Variants in FLRT1 observed in about 807,000 individuals in gnomAD.
The protein encoded by FLRT1 is leucine-rich repeat transmembrane protein FLRT1.
In FLRT1, 14 loss-of-function variants were observed where a neutral mutation model predicts 30.9. That is an observed-to-expected ratio of 0.45 (90% confidence interval 0.30 to 0.71). The LOEUF is 0.71. FLRT1 is among the 30% of genes least tolerant of loss of function. FLRT1 has a pLI of 0.08. For missense variants in FLRT1, 737 were observed against 949.2 expected, an observed-to-expected ratio of 0.78 and a Z score of 2.94; for synonymous variants, 368 against 430.4, an observed-to-expected ratio of 0.85 and a Z score of 1.80.
chr11:64,051,484 C>T (rs2134413273), intron 1 of FLRT1, among the ~76,000 whole-genome samples: 1 of 152,326 alleles, frequency 6.6e-6, no homozygotes, highest in Non-Finnish European at 1.5e-5. Context: ...GGGGCGGGGG[C>T]ACCCTCTCGG....
In FLRT1 at chr11:64,100,784, C is replaced by T. The variant is rs531586860; in HGVS notation, c.-1037-2410C>T. The stretch of plus-strand genomic sequence containing the variant: ...CAGAAGCCTGAGAGGCCCCACTTAT[C>T]CAGGGCACAGACGCTGAGGAGCCCA... On this transcript the variant is annotated intron_variant, in intron 1 of 2. Coordinates refer to ENST00000682287, the MANE Select transcript of FLRT1 (RefSeq NM_013280.5). Among the ~76,000 whole-genome samples the T allele has an allele frequency of 8.5e-5, 13 of 152,288 alleles. No homozygotes were observed. In the South Asian group the frequency reaches 2.5e-3, roughly 29 times the overall value.
chr11:64,063,355 C>A (rs1227957863), intron 1 of FLRT1, among the ~76,000 whole-genome samples: 1 of 152,148 alleles, frequency 6.6e-6, no homozygotes, highest in African/African-American at 2.4e-5. Context: ...AGGTGCCACA[C>A]ACGTGTCAAC....
intron 1 of FLRT1, among the ~76,000 whole-genome samples, chr11:64,098,274 G>A (rs1479622384): frequency 1.3e-5 from 2 of 152,136 alleles, no homozygotes; most frequent in Admixed American, 6.5e-5. Context: ...GCCAGGCTCC[G>A]GGCCCTGCTT....
chr11:64,095,939 T>C (rs1047473435), intron 1 of FLRT1, among the ~76,000 whole-genome samples: 15 of 151,246 alleles, frequency 9.9e-5, no homozygotes, highest in African/African-American at 3.6e-4. Flanking sequence ...TGACAGCTCC[T>C]CGCTTTCTCC....
chr11:64,080,594 C>T (rs907865391), intron 1 of FLRT1, among the ~76,000 whole-genome samples: 3 of 152,146 alleles, frequency 2.0e-5, no homozygotes, highest in Non-Finnish European at 4.4e-5. Context: ...GTGCTCAACA[C>T]GTAGGCGTTC....
At chr11:64,111,110 C>G (rs752612044) in intron 2 of FLRT1, among the ~76,000 whole-genome samples, 1 of 152,256 alleles carries the variant, frequency 6.6e-6, no homozygotes, top group Non-Finnish European at 1.5e-5. Context: ...ATGCTGAGGC[C>G]TCTGAAGGCT....
At chr11:64,062,103 C>T (rs1943916954) in intron 1 of FLRT1, among the ~76,000 whole-genome samples, 1 of 151,968 alleles carries the variant, frequency 6.6e-6, no homozygotes, top group Non-Finnish European at 1.5e-5. Flanking sequence ...GTCTGCTTAG[C>T]TGTGCTGAAA....
intron 1 of FLRT1, among the ~76,000 whole-genome samples, chr11:64,041,604 G>A (rs1304396465): frequency 1.3e-5 from 2 of 152,134 alleles, no homozygotes; most frequent in East Asian, 3.9e-4. Flanking sequence ...AATGGAAAAA[G>A]GGGTGCAGCC....
intron 1 of FLRT1, among the ~76,000 whole-genome samples, chr11:64,076,471 C>T (rs1410255679): frequency 1.3e-5 from 2 of 151,982 alleles, no homozygotes; most frequent in African/African-American, 2.4e-5. Context: ...GACGGACGGA[C>T]GAATGGATGG....
chr11:64,078,147 C>T (rs1489793859), intron 1 of FLRT1, among the ~76,000 whole-genome samples: 1 of 152,228 alleles, frequency 6.6e-6, no homozygotes. Flanking sequence ...TTCCTCTCAA[C>T]CTCAACCCTC....
chr11:64,077,486 C>CTGAT (rs913183639), intron 1 of FLRT1, among the ~76,000 whole-genome samples: 2 of 152,142 alleles, frequency 1.3e-5, no homozygotes, highest in Admixed American at 1.3e-4. Context: ...GACCCAGGTA[C>CTGAT]TGATGGGCAT....
intron 1 of FLRT1, among the ~76,000 whole-genome samples, chr11:64,092,650 C>G (rs966877517): frequency 6.6e-6 from 1 of 152,232 alleles, no homozygotes; most frequent in African/African-American, 2.4e-5. Flanking sequence ...CACTGTGTGC[C>G]AGCCACCAGC....
At position 64,118,940 on chromosome 11, in the gene FLRT1, C is replaced by A. The variant is rs969716623; in HGVS notation, c.*648C>A. On this transcript the variant is annotated 3_prime_UTR_variant, in exon 3 of 3. Transcript: ENST00000682287. ...CATGTAGTCGATTAAAAAAAAAAAA[C>A]AAACTTTTTTTTCCTAGGCTGAAGC... 8.0e-4 allele frequency: 132 copies of A among 165,524 alleles called. No homozygotes were observed. Among genetic ancestry groups the A allele is most frequent in the Non-Finnish European group, 1.2e-3 (84 of 67,690 alleles). 10.3% of individuals were successfully genotyped at this position (165,524 alleles called of 1,614,324 possible). A position where few individuals can be genotyped will look rare whatever the true frequency, so the allele number is the denominator to read the frequency against.
intron 1 of FLRT1, among the ~76,000 whole-genome samples, chr11:64,080,926 T>G (rs925447044): frequency 2.0e-5 from 3 of 152,206 alleles, no homozygotes; most frequent in Admixed American, 6.5e-5. Flanking sequence ...GAATCCCCAC[T>G]GCTCCTGAAG....
At chr11:64,050,074 C>T (rs988141871) in intron 1 of FLRT1, among the ~76,000 whole-genome samples, 3 of 152,170 alleles carry the variant, frequency 2.0e-5, no homozygotes, top group Non-Finnish European at 2.9e-5. Context: ...ACTCTTCCCT[C>T]GAGATCTCTC....
chr11:64,036,010 G>T lies in FLRT1; in HGVS notation c.-1187G>T, dbSNP rs898497084. On this transcript the variant is annotated 5_prime_UTR_variant, in exon 1 of 3. Coordinates refer to ENST00000682287, the MANE Select transcript of FLRT1 (RefSeq NM_013280.5). The surrounding 1 kb of genome is among the most constrained non-coding windows in gnomAD (Gnocchi z 5.6). ...CGCCCCCCGCTCCGGGCCCGCCACC[G>T]TGCTCTGCCGCGCGCCGGGGGCTCC... is the stretch of plus-strand genomic sequence containing the variant. 2 of 150,904 alleles carry T rather than the reference G, an allele frequency of 1.3e-5. No homozygotes were observed. Among genetic ancestry groups the T allele is most frequent in the Middle Eastern group, 6.8e-3 (2 of 292 alleles). 9.3% of individuals were successfully genotyped at this position (150,904 alleles called of 1,614,324 possible). A position where few individuals can be genotyped will look rare whatever the true frequency, so the allele number is the denominator to read the frequency against.
intron 1 of FLRT1, among the ~76,000 whole-genome samples, chr11:64,046,762 G>A (rs962755584): frequency 1.3e-5 from 2 of 152,156 alleles, no homozygotes; most frequent in African/African-American, 2.4e-5. Context: ...ACGTCCCAAA[G>A]TGCTGGGATT....
At position 64,036,049 on chromosome 11, in the gene FLRT1, C is replaced by G. The variant is rs1229549118; in HGVS notation, c.-1148C>G. 1 of 151,448 alleles carries G rather than the reference C, an allele frequency of 6.6e-6. No homozygotes were observed. The highest frequency in any genetic ancestry group is 1.5e-5 in the Non-Finnish European group (1 of 67,840). The allele number at this position is 151,448 out of a possible 1,614,324, so 9.4% of individuals were successfully genotyped here. ...GCCGGGGGCTCCTCTCCCGGGCCCC[C>G]CTGGGCGCCCTCCGGCTCTGGTTCC... On this transcript the variant is annotated 5_prime_UTR_variant, in exon 1 of 3. Coordinates refer to ENST00000682287, the MANE Select transcript of FLRT1 (RefSeq NM_013280.5). The surrounding 1 kb of genome is among the most constrained non-coding windows in gnomAD (Gnocchi z 5.6).
At chr11:64,051,946 C>G (rs893032884) in intron 1 of FLRT1, among the ~76,000 whole-genome samples, 8 of 151,666 alleles carry the variant, frequency 5.3e-5, no homozygotes, top group Non-Finnish European at 7.4e-5. Flanking sequence ...GCCACTGGTG[C>G]CCGGACAGTG....
Sources: gnomAD v4.1 joint callset for allele counts (sites outside exome capture counted in the v4.1 genomes callset) on GRCh38, gnomAD v4.1.1 for gene constraint, Gnocchi (gnomAD v3.1) non-coding constraint, MANE v1.5 for transcripts, NCBI Gene and HGNC (gene_info 2026-07-23, HGNC 2026-07-21) for gene names.